QRICH1: variants seen among roughly 807,000 people sequenced by gnomAD.
QRICH1 encodes the protein transcriptional regulator QRICH1.
Under a neutral mutation model 87.1 loss-of-function variants are expected in QRICH1, and 16 were observed. That is an observed-to-expected ratio of 0.18 (90% confidence interval 0.12 to 0.28). QRICH1 has a LOEUF of 0.28. QRICH1 is among the 10% of genes least tolerant of loss of function. QRICH1 has a pLI of 1.00. For missense variants in QRICH1, 647 were observed against 951.7 expected, an observed-to-expected ratio of 0.68 and a Z score of 4.21; for synonymous variants, 367 against 368.4, an observed-to-expected ratio of 1.00 and a Z score of 0.05.
intron 1 of QRICH1, among the ~76,000 whole-genome samples, chr3:49,080,943 G>T: frequency 1.2e-5 from 1 of 82,884 alleles, no homozygotes; most frequent in East Asian, 4.8e-4. Context: ...TCCAGGCTGG[G>T]CAACAAGAAC....
In QRICH1 at chr3:49,035,922, A is replaced by AAC. The variant is rs1553739366; in HGVS notation, c.1787-2695_1787-2694insGT. 3.9e-3 allele frequency among the ~76,000 whole-genome samples: 576 copies of AAC among 149,440 alleles called. 1 individual carries two copies. The highest frequency in any genetic ancestry group is 6.8e-3 in the African/African-American group (275 of 40,734). On this transcript the variant is annotated intron_variant, in intron 6 of 9. Transcript: ENST00000395443. ...AAACCCCATTTCTACAAAAAAAAAA[A>AAC]AAAAAACAAAAACTAGCCAGGTGTG...
At chr3:49,079,278 T>G (rs1219075642) in intron 1 of QRICH1, among the ~76,000 whole-genome samples, 1 of 151,712 alleles carries the variant, frequency 6.6e-6, no homozygotes, top group Non-Finnish European at 1.5e-5. Context: ...AGTTATCAGC[T>G]GGTCACAGTG....
Position 49,032,264 on chromosome 3 carries a change from T to A in QRICH1, c.2057A>T (p.Asp686Val). Reference protein sequence around the residue: ...IHQTGQKVTDDMYAEQTENPE... With the variant: ...IHQTGQKVTDVMYAEQTENPE... ...ATTTTCCGTCTGTTCTGCATACATGTCATCTGTAACTATAAAACACACATC... is the reference window on the plus strand; with the variant it reads ...ATTTTCCGTCTGTTCTGCATACATGACATCTGTAACTATAAAACACACATC... Residue 686 changes from aspartate (D) to valine (V), a missense_variant, in exon 9 of 10, where the codon GAC becomes GTC. Transcript: ENST00000395443. 1 of 1,612,554 alleles carries A rather than the reference T, an allele frequency of 6.2e-7. No individual in the cohort carries two copies. Among genetic ancestry groups the A allele is most frequent in the Non-Finnish European group, 8.5e-7 (1 of 1,178,696 alleles).
At chr3:49,039,188 C>G (rs940779231) in intron 6 of QRICH1, among the ~76,000 whole-genome samples, 3 of 151,702 alleles carry the variant, frequency 2.0e-5, no homozygotes, top group African/African-American at 7.3e-5. Flanking sequence ...GAAACTCCAT[C>G]TCTACTAAAA....
At chr3:49,044,336 G>C (rs778782256) in intron 6 of QRICH1, 54 bp downstream of exon 6, 229 of 1,363,430 alleles carry the variant, frequency 1.7e-4, no homozygotes, top group Non-Finnish European at 2.3e-4. Context: ...AGAAGCTATT[G>C]ATCTTTCTTA....
chr3:49,074,396 C>T (rs2041907666), intron 2 of QRICH1, among the ~76,000 whole-genome samples: 1 of 151,114 alleles, frequency 6.6e-6, no homozygotes, highest in Admixed American at 6.6e-5. Flanking sequence ...CATGGTGAAA[C>T]CCCGTCTCTA....
intron 2 of QRICH1, among the ~76,000 whole-genome samples, chr3:49,067,502 A>G (rs1199653235): frequency 2.6e-5 from 4 of 152,102 alleles, no homozygotes; most frequent in African/African-American, 9.7e-5. Flanking sequence ...CAGGAGGCGG[A>G]GCTTGCAGTG....
chr3:49,077,899 A>G (rs1442672568), intron 1 of QRICH1, among the ~76,000 whole-genome samples: 1 of 152,222 alleles, frequency 6.6e-6, no homozygotes, highest in Non-Finnish European at 1.5e-5. Flanking sequence ...ATTCAGAAAT[A>G]AATTCTACAA....
chr3:49,044,584 C>G, intron 5 of QRICH1, 80 bp from the exon 6 acceptor site: 1 of 1,032,500 alleles, frequency 9.7e-7, no homozygotes, highest in South Asian at 1.5e-5. Flanking sequence ...ATTTTTCTAC[C>G]AGTACTACTA....
intron 1 of QRICH1, among the ~76,000 whole-genome samples, chr3:49,083,726 C>T (rs2042115855): frequency 6.6e-6 from 1 of 151,928 alleles, no homozygotes; most frequent in Non-Finnish European, 1.5e-5. Context: ...TATGATCATG[C>T]CACTGCACTC....
intron 6 of QRICH1, among the ~76,000 whole-genome samples, chr3:49,042,698 G>A (rs923948965): frequency 6.6e-6 from 1 of 151,772 alleles, no homozygotes; most frequent in African/African-American, 2.4e-5. Context: ...TCAGCCTCCC[G>A]TGTAGCTGGG....
intron 1 of QRICH1, among the ~76,000 whole-genome samples, chr3:49,078,654 C>T (rs1036230793): frequency 5.4e-5 from 8 of 148,168 alleles, no homozygotes; most frequent in African/African-American, 1.5e-4. Flanking sequence ...CTCAGCCTCC[C>T]AAAGTGCTGA....
chr3:49,088,983 T>C (rs1447665974), intron 1 of QRICH1, among the ~76,000 whole-genome samples: 1 of 152,094 alleles, frequency 6.6e-6, no homozygotes, highest in Non-Finnish European at 1.5e-5. Flanking sequence ...AGTTATCCCA[T>C]TAGGCCATTT....
chr3:49,088,162 C>T (rs928273373), intron 1 of QRICH1, among the ~76,000 whole-genome samples: 2 of 152,128 alleles, frequency 1.3e-5, no homozygotes, highest in East Asian at 3.9e-4. Context: ...ACCGTGCTAG[C>T]CAGGATGCTC....
At chr3:49,044,292 C>A (rs1211175042) in intron 6 of QRICH1, 98 bp downstream of exon 6, 3 of 905,256 alleles carry the variant, frequency 3.3e-6, no homozygotes. Flanking sequence ...GATTTATATC[C>A]CCCCTCACTC....
intron 3 of QRICH1, 70 bp downstream of exon 3, chr3:49,056,792 A>T: frequency 6.2e-7 from 1 of 1,606,880 alleles, no homozygotes; most frequent in Non-Finnish European, 8.5e-7. Context: ...AGAGGTTGCG[A>T]GGCAAGCTCT....
chr3:49,038,982 G>A (rs1178404521), intron 6 of QRICH1, among the ~76,000 whole-genome samples: 3 of 152,086 alleles, frequency 2.0e-5, no homozygotes, highest in Non-Finnish European at 4.4e-5. Flanking sequence ...AGCCAAGATC[G>A]TGCCACTGCA....
intron 6 of QRICH1, among the ~76,000 whole-genome samples, chr3:49,038,192 C>T (rs545379751): frequency 2.6e-4 from 39 of 151,518 alleles, no homozygotes; most frequent in African/African-American, 9.0e-4. Flanking sequence ...TCCATAATAG[C>T]TGGGACTACA....
chr3:49,058,858 C>T (rs1220747980), intron 2 of QRICH1, among the ~76,000 whole-genome samples: 1 of 152,166 alleles, frequency 6.6e-6, no homozygotes, highest in East Asian at 1.9e-4. Flanking sequence ...GAACTCCCGA[C>T]CTCAAGTGAT....
Sources: allele counts gnomAD v4.1 joint callset (sites outside exome capture counted in the v4.1 genomes callset), GRCh38; gene constraint gnomAD v4.1.1; transcripts MANE v1.5; gene names NCBI Gene and HGNC (gene_info 2026-07-23, HGNC 2026-07-21).